Variants in QKI observed in about 807,000 individuals in gnomAD.
QKI encodes QKI, KH domain containing RNA binding, also known as KH domain-containing RNA-binding protein QKI.
Under a neutral mutation model 39.0 loss-of-function variants are expected in QKI, and 10 were observed. The observed-to-expected ratio is 0.26, with a 90% confidence interval of 0.16 to 0.43. The LOEUF (loss-of-function observed/expected upper bound fraction) is 0.43. QKI is among the 20% of genes least tolerant of loss of function. The pLI, the probability that QKI is intolerant of heterozygous loss-of-function variation, is 1.00. For missense variants in QKI, 218 were observed against 428.0 expected, an observed-to-expected ratio of 0.51 and a Z score of 4.33; for synonymous variants, 204 against 155.4, an observed-to-expected ratio of 1.31 and a Z score of -2.33.
chr6:163,569,447 C>T (rs1783573691), intron 7 of QKI: 4 of 1,277,094 alleles, frequency 3.1e-6, no homozygotes, highest in South Asian at 2.5e-5. Flanking sequence ...GTCACAATGG[C>T]AACAGTACAG....
At chr6:163,524,825 CA>C (rs1780382297) in intron 3 of QKI, among the ~76,000 whole-genome samples, 1 of 152,136 alleles carries the variant, frequency 6.6e-6, no homozygotes, top group Non-Finnish European at 1.5e-5. Flanking sequence ...ACCATATTTA[CA>C]TTATGGTAAT....
intron 3 of QKI, among the ~76,000 whole-genome samples, chr6:163,512,096 T>A (rs981199414): frequency 6.6e-6 from 1 of 152,088 alleles, no homozygotes; most frequent in African/African-American, 2.4e-5. Flanking sequence ...GGTGTAAAAC[T>A]GTATAATTAT....
chr6:163,486,073 T>C (rs978156073), intron 3 of QKI, among the ~76,000 whole-genome samples: 2 of 152,214 alleles, frequency 1.3e-5, no homozygotes, highest in African/African-American at 2.4e-5. Flanking sequence ...TCAGCCACTT[T>C]TACTATCTGT....
intron 3 of QKI, among the ~76,000 whole-genome samples, chr6:163,512,458 A>T (rs753383423): frequency 1.1e-4 from 16 of 152,232 alleles, no homozygotes; most frequent in Middle Eastern, 6.8e-3. Context: ...AGAGATCATG[A>T]TCCTAAGTCT....
At chr6:163,420,064 A>AGAG (rs1355609172) in intron 1 of QKI, among the ~76,000 whole-genome samples, 1 of 151,360 alleles carries the variant, frequency 6.6e-6, no homozygotes, top group African/African-American at 2.4e-5. Context: ...TAAAACCCTC[A>AGAG]TGCTTTGACC....
rs1783909589 is a variant in QKI, at chr6:163,575,073, G to A, written c.*4363G>A. ...AAACCGTGTCATGTCTCTGATGGGA[G>A]CGGTGGGTAGTGTACTGTTAGGTGG... On this transcript the variant is annotated 3_prime_UTR_variant, in exon 8 of 8. Transcript: ENST00000361752. 1 of 152,180 alleles carries A rather than the reference G, an allele frequency of 6.6e-6. No individual in the cohort carries two copies. The highest frequency in any genetic ancestry group is 1.9e-4 in the East Asian group (1 of 5,194). 9.4% of individuals were successfully genotyped at this position (152,180 alleles called of 1,614,324 possible).
chr6:163,440,088 C>CT (rs1236690459), intron 1 of QKI, among the ~76,000 whole-genome samples: 1 of 152,124 alleles, frequency 6.6e-6, no homozygotes, highest in Non-Finnish European at 1.5e-5. Flanking sequence ...TATGTCTCTA[C>CT]TTTTTTGTTC....
At chr6:163,416,170 G>A (rs1787474694) in intron 1 of QKI, 1 of 350,074 alleles carries the variant, frequency 2.9e-6, no homozygotes, top group African/African-American at 2.2e-5. Context: ...GAGTTTGTAG[G>A]ACAGGGTTTC....
At chr6:163,477,176 T>C (rs1234976) in intron 2 of QKI, among the ~76,000 whole-genome samples, 127,568 of 151,996 alleles carry the variant, frequency 0.84, 54,122 homozygotes, top group East Asian at 1. Context: ...CCACCAAGCC[T>C]GGCTAAGTTT....
intron 3 of QKI, among the ~76,000 whole-genome samples, chr6:163,489,845 G>A (rs1777941068): frequency 1.3e-5 from 2 of 152,050 alleles, no homozygotes; most frequent in African/African-American, 2.4e-5. Flanking sequence ...TCTTGGGCTG[G>A]GCATTGAAAT....
At chr6:163,492,239 A>T (rs1223167091) in intron 3 of QKI, among the ~76,000 whole-genome samples, 1 of 152,114 alleles carries the variant, frequency 6.6e-6, no homozygotes, top group African/African-American at 2.4e-5. Context: ...AAGCCTAGGG[A>T]GCCATCCTAT....
At chr6:163,442,490 T>C (rs1789834372) in intron 1 of QKI, among the ~76,000 whole-genome samples, 2 of 152,108 alleles carry the variant, frequency 1.3e-5, no homozygotes, top group Non-Finnish European at 2.9e-5. Context: ...GAATAAAGAA[T>C]AGACTGACCA....
At chr6:163,555,918 A>G (rs1583215249) in intron 4 of QKI, among the ~76,000 whole-genome samples, 1 of 152,320 alleles carries the variant, frequency 6.6e-6, no homozygotes, top group Middle Eastern at 3.4e-3. Context: ...AATTCAAAAG[A>G]TACTTCCACT....
intron 4 of QKI, among the ~76,000 whole-genome samples, chr6:163,556,580 A>T (rs1451464877): frequency 6.6e-6 from 1 of 151,872 alleles, no homozygotes; most frequent in Admixed American, 6.6e-5. Flanking sequence ...AATATGCATA[A>T]ATTAAAATAT....
chr6:163,422,814 C>T (rs1788092644), intron 1 of QKI, among the ~76,000 whole-genome samples: 1 of 152,186 alleles, frequency 6.6e-6, no homozygotes, highest in South Asian at 2.1e-4. Context: ...CTCGCTTTTG[C>T]TTTAGTGCAG....
chr6:163,415,256 G>C lies in QKI; in HGVS notation c.63G>C (p.Leu21=). Residue 21 remains leucine, a synonymous_variant, in exon 1 of 8, where the codon CTG becomes CTC. Transcript: ENST00000361752. The part of the protein sequence containing the change: ...PKPTPDYLMQ[L]MNDKKLMSSL... ...CCACCCCAGATTACCTGATGCAGCTGATGAACGACAAGAAGCTCATGAGCA... is the reference window on the plus strand; with the variant it reads ...CCACCCCAGATTACCTGATGCAGCTCATGAACGACAAGAAGCTCATGAGCA... The C allele has an allele frequency of 6.3e-7, 1 of 1,599,186 alleles. No homozygotes were observed. The highest frequency in any genetic ancestry group is 1.3e-5 in the African/African-American group (1 of 74,368).
intron 3 of QKI, among the ~76,000 whole-genome samples, chr6:163,488,276 C>T (rs1019336241): frequency 6.6e-6 from 1 of 151,922 alleles, no homozygotes; most frequent in African/African-American, 2.4e-5. Context: ...AGAATTCTTC[C>T]TCAGACTTGG....
intron 6 of QKI, 171 bp downstream of exon 6, chr6:163,563,890 AAT>A: frequency 5.6e-6 from 8 of 1,420,584 alleles, no homozygotes; most frequent in Non-Finnish European, 7.3e-6. Flanking sequence ...TCCCCTTTGA[AAT>A]AATTGCACCT....
At chr6:163,544,514 G>C (rs1223876128) in intron 4 of QKI, among the ~76,000 whole-genome samples, 1 of 151,940 alleles carries the variant, frequency 6.6e-6, no homozygotes, top group Non-Finnish European at 1.5e-5. Flanking sequence ...AATGTCTAAG[G>C]TGATGAACAT....
Sources: gnomAD v4.1 joint callset for allele counts (sites outside exome capture counted in the v4.1 genomes callset) on GRCh38, gnomAD v4.1.1 for gene constraint, MANE v1.5 for transcripts, NCBI Gene and HGNC (gene_info 2026-07-23, HGNC 2026-07-21) for gene names.